Variants in ZCWPW2 observed in about 807,000 individuals in gnomAD.
ZCWPW2 encodes the protein zinc finger CW-type PWWP domain protein 2.
ZCWPW2 carries 45 observed loss-of-function variants against 46.6 expected under a neutral mutation model. The ratio of observed to expected loss-of-function variants is 0.96; its 90% CI spans 0.76 to 1.24. The LOEUF (loss-of-function observed/expected upper bound fraction) is 1.24, where lower values mean the gene tolerates loss of function less well. ZCWPW2 is among the 50% of genes most tolerant of loss of function. ZCWPW2 has a pLI of 0.00. For missense variants in ZCWPW2, 429 were observed against 403.9 expected, an observed-to-expected ratio of 1.06 and a Z score of -0.53; for synonymous variants, 152 against 137.1, an observed-to-expected ratio of 1.11 and a Z score of -0.76.
At chr3:28,373,109 T>TA (rs1284208240) in intron 1 of ZCWPW2, among the ~76,000 whole-genome samples, 1 of 152,222 alleles carries the variant, frequency 6.6e-6, no homozygotes, top group Non-Finnish European at 1.5e-5. Flanking sequence ...TGAATAGTGC[T>TA]ACAATAAACA....
intron 6 of ZCWPW2, among the ~76,000 whole-genome samples, chr3:28,504,675 A>G (rs1254919769): frequency 6.6e-6 from 1 of 152,136 alleles, no homozygotes; most frequent in African/African-American, 2.4e-5. Context: ...TCCCCTTGCT[A>G]AGATATCTGT....
At chr3:28,465,822 A>C (rs983314644) in intron 4 of ZCWPW2, among the ~76,000 whole-genome samples, 1 of 152,214 alleles carries the variant, frequency 6.6e-6, no homozygotes, top group Admixed American at 6.5e-5. Context: ...AAAGCATAAG[A>C]AAATTCAGTA....
At chr3:28,412,854 C>T (rs188036654) in intron 2 of ZCWPW2, among the ~76,000 whole-genome samples, 6 of 151,960 alleles carry the variant, frequency 3.9e-5, no homozygotes, top group African/African-American at 9.6e-5. Context: ...ATTTTATGCT[C>T]AGAGTGATTG....
chr3:28,387,632 A>G (rs546146156), intron 1 of ZCWPW2, among the ~76,000 whole-genome samples: 6 of 152,322 alleles, frequency 3.9e-5, no homozygotes, highest in African/African-American at 7.2e-5. Flanking sequence ...GTGTACATCT[A>G]TCTACTCTAT....
intron 8 of ZCWPW2, among the ~76,000 whole-genome samples, chr3:28,520,596 G>A (rs1396310471): frequency 6.6e-6 from 1 of 152,110 alleles, no homozygotes; most frequent in African/African-American, 2.4e-5. Flanking sequence ...TTTTGTCACA[G>A]ACCATCTGGC....
intron 4 of ZCWPW2, among the ~76,000 whole-genome samples, chr3:28,456,096 T>C (rs1199502011): frequency 2.0e-5 from 3 of 152,198 alleles, no homozygotes; most frequent in South Asian, 4.1e-4. Flanking sequence ...TTTCATGATA[T>C]TGATTCTTCT....
rs139632468 is a variant in ZCWPW2, at chr3:28,424,364, C to T, written c.333-10746C>T. On this transcript the variant is annotated intron_variant, in intron 3 of 9. Coordinates refer to ENST00000383768, the MANE Select transcript of ZCWPW2 (RefSeq NM_001040432.4). Reference sequence around the variant, plus strand: ...CTCTCGAAATACATATGTTGGAGTCCAACCCTCAGTGCCTCAGAATGTGAC... The same window carrying T: ...CTCTCGAAATACATATGTTGGAGTCTAACCCTCAGTGCCTCAGAATGTGAC... Among the ~76,000 whole-genome samples, 387 of 151,970 alleles carry T rather than the reference C, an allele frequency of 2.5e-3. 1 individual carries two copies. The highest frequency in any genetic ancestry group is 8.5e-3 in the African/African-American group (351 of 41,426).
chr3:28,392,691 C>T (rs960126827), intron 2 of ZCWPW2, among the ~76,000 whole-genome samples: 4 of 151,854 alleles, frequency 2.6e-5, no homozygotes, highest in African/African-American at 7.2e-5. Flanking sequence ...GGTAATTAAA[C>T]AACATGTCCC....
intron 1 of ZCWPW2, among the ~76,000 whole-genome samples, chr3:28,376,326 A>G (rs1705499420): frequency 6.6e-6 from 1 of 152,274 alleles, no homozygotes; most frequent in East Asian, 1.9e-4. Context: ...CAATCTCTAC[A>G]CTTTAACTCC....
At chr3:28,398,267 T>G (rs555598846) in intron 2 of ZCWPW2, 1 of 152,312 alleles carries the variant, frequency 6.6e-6, no homozygotes, top group South Asian at 2.1e-4. Flanking sequence ...TTTCTTATTG[T>G]AAGGACATTA....
intron 9 of ZCWPW2, among the ~76,000 whole-genome samples, chr3:28,522,794 A>G (rs2125840552): frequency 6.6e-6 from 1 of 152,214 alleles, no homozygotes; most frequent in Middle Eastern, 3.4e-3. Flanking sequence ...TTTTCTATGT[A>G]TGGGTCTTTT....
intron 4 of ZCWPW2, among the ~76,000 whole-genome samples, chr3:28,477,545 G>T (rs547130536): frequency 9.9e-5 from 15 of 152,268 alleles, no homozygotes; most frequent in Admixed American, 5.2e-4. Context: ...TGTAATAGAA[G>T]TCAGAAAGTA....
At chr3:28,408,792 C>A (rs774783519) in intron 2 of ZCWPW2, among the ~76,000 whole-genome samples, 2 of 152,124 alleles carry the variant, frequency 1.3e-5, no homozygotes, top group Non-Finnish European at 2.9e-5. Context: ...CTCATTCTTT[C>A]TAGATCTGTA....
chr3:28,436,612 G>A lies in ZCWPW2; in HGVS notation c.492+1343G>A, dbSNP rs1697512511. Among the ~76,000 whole-genome samples, 4 of 152,118 alleles carry A rather than the reference G, an allele frequency of 2.6e-5. No homozygotes were observed. In the South Asian group the frequency reaches 8.3e-4, roughly 31 times the overall value. Reference sequence around the variant, plus strand: ...TTGGCAAATATATAGTAAAAACTATGTATTTTATACTATTTTGTTTGGTGT... The same window carrying A: ...TTGGCAAATATATAGTAAAAACTATATATTTTATACTATTTTGTTTGGTGT... On this transcript the variant is annotated intron_variant, in intron 4 of 9. Transcript: ENST00000383768.
chr3:28,406,663 A>G (rs910619516), intron 2 of ZCWPW2, among the ~76,000 whole-genome samples: 10 of 151,950 alleles, frequency 6.6e-5, no homozygotes, highest in African/African-American at 1.7e-4. Flanking sequence ...CCAGGATAAT[A>G]AGGTCGATTA....
At chr3:28,523,022 C>T (rs1700764245) in intron 9 of ZCWPW2, among the ~76,000 whole-genome samples, 1 of 152,120 alleles carries the variant, frequency 6.6e-6, no homozygotes. Flanking sequence ...TCTGTTTTGC[C>T]ATTATAAGTA....
intron 6 of ZCWPW2, among the ~76,000 whole-genome samples, chr3:28,499,844 T>C (rs11712484): frequency 0.2 from 31,013 of 152,076 alleles, 3,643 homozygotes; most frequent in Middle Eastern, 0.29. Context: ...TAGACACTTA[T>C]TAGTTATTAA....
At chr3:28,468,966 G>GAA in intron 4 of ZCWPW2, among the ~76,000 whole-genome samples, 1 of 152,174 alleles carries the variant, frequency 6.6e-6, no homozygotes, top group South Asian at 2.1e-4. Context: ...CTCTTCAGTG[G>GAA]AAAGACTAAA....
chr3:28,370,429 A>G (rs1457849608), intron 1 of ZCWPW2, among the ~76,000 whole-genome samples: 8 of 152,264 alleles, frequency 5.3e-5, no homozygotes, highest in Admixed American at 5.2e-4. Context: ...GAAAATTAAT[A>G]AACTAGCTAC....
Sources: gnomAD v4.1 joint callset for allele counts (sites outside exome capture counted in the v4.1 genomes callset) on GRCh38, gnomAD v4.1.1 for gene constraint, MANE v1.5 for transcripts, NCBI Gene and HGNC (gene_info 2026-07-23, HGNC 2026-07-21) for gene names.